Variants in ZNF596 observed in about 807,000 individuals in gnomAD.
ZNF596 encodes zinc finger protein 596.
ZNF596 carries 45 observed loss-of-function variants against 48.3 expected under a neutral mutation model. The observed-to-expected ratio is 0.93, with a 90% CI of 0.73 to 1.19. ZNF596 has a LOEUF of 1.19. ZNF596 is among the 50% of genes most tolerant of loss of function. The pLI is 0.00. For missense variants in ZNF596, 848 were observed against 599.7 expected (o/e 1.41, Z -4.32); for synonymous variants, 270 against 202.0 (o/e 1.34, Z -2.85).
chr8:243,908 G>A lies in ZNF596; in HGVS notation c.223+103G>A. 6 of 980,850 alleles carry A rather than the reference G, an allele frequency of 6.1e-6. No individual in the cohort carries two copies. The South Asian group carries it at 7.2e-5, about 12-fold the overall frequency. The allele number at this position is 980,850 out of a possible 1,614,324, so 60.8% of individuals were successfully genotyped here. ...AAGGAAGATTTCTTTTGTTTTTTTA[G>A]ACAGAATCTCACTCTGTCACCCAGG... On this transcript the variant is annotated intron_variant, in intron 4 of 5. Transcript: ENST00000398612.
chr8:246,391 A>G lies in ZNF596; in HGVS notation c.*29A>G. 1 of 1,541,056 alleles carries G rather than the reference A, an allele frequency of 6.5e-7. No individual in the cohort carries two copies. Among genetic ancestry groups the G allele is most frequent in the Non-Finnish European group, 8.7e-7 (1 of 1,151,252 alleles). ...TCATCAGCTGTAGCGTTAACACTAA[A>G]TACACCAAGGACAAACATACTACAG... On this transcript the variant is annotated 3_prime_UTR_variant, in exon 6 of 6. Transcript: ENST00000398612.
intron 1 of ZNF596, among the ~76,000 whole-genome samples, chr8:235,689 T>C (rs1307141900): frequency 6.6e-6 from 1 of 152,156 alleles, no homozygotes; most frequent in African/African-American, 2.4e-5. Context: ...TTCGGTGTCT[T>C]ATTATGTTTC....
rs1246530944 is a variant in ZNF596, at chr8:246,603, CT to C, written c.*243del. ...ATAGATCAAAGGAATGTGGAGGAGT[CT>C]TCATCCACAGCTCTGTTAAATAAAT... is the stretch of plus-strand genomic sequence containing the variant. On this transcript the variant is annotated 3_prime_UTR_variant, in exon 6 of 6. Transcript: ENST00000398612. 3 of 402,036 alleles carry C rather than the reference CT, an allele frequency of 7.5e-6. No individual in the cohort carries two copies. Among genetic ancestry groups the C allele is most frequent in the African/African-American group, 2.1e-5 (1 of 48,410 alleles). 24.9% of individuals were successfully genotyped at this position (402,036 alleles called of 1,614,324 possible).
chr8:233,732 T>A (rs1281802100), intron 1 of ZNF596: 1 of 152,356 alleles, frequency 6.6e-6, no homozygotes, highest in Middle Eastern at 3.4e-3. Context: ...GTTCCAATAA[T>A]TACATCTTTT....
In ZNF596 at chr8:246,467, CT is replaced by C; in HGVS notation, c.*108del. On this transcript the variant is annotated 3_prime_UTR_variant, in exon 6 of 6. Transcript: ENST00000398612. Reference sequence around the variant, plus strand: ...GAAAAGCCTTTATTTATATTTACCACTTTGCTCAACCTAAATGAATTCAAGG... The same window carrying C: ...GAAAAGCCTTTATTTATATTTACCACTTGCTCAACCTAAATGAATTCAAGG... 2 of 1,410,260 alleles carry C rather than the reference CT, an allele frequency of 1.4e-6. No individual in the cohort carries two copies. The highest frequency in any genetic ancestry group is 9.5e-7 in the Non-Finnish European group (1 of 1,055,760). The allele number at this position is 1,410,260 out of a possible 1,614,324, so 87.4% of individuals were successfully genotyped here.
At position 245,710 on chromosome 8, in the gene ZNF596, T is replaced by G; in HGVS notation, c.863T>G (p.Phe288Cys). ...ATATGCCATCTATGTGGGAAAGCCT[T>G]CACTCATTGCTCTGACCTTAGAAAA... The part of the protein sequence containing the change: ...AQICHLCGKA[F>C]THCSDLRKHE... Residue 288 changes from phenylalanine (F) to cysteine (C), a missense_variant, in exon 6 of 6, where the codon TTC becomes TGC. Physicochemically the swap from Phe to Cys is radical, Grantham distance 205 (BLOSUM62 -2). Coordinates refer to ENST00000398612, the MANE Select transcript of ZNF596 (RefSeq NM_001042416.3). The G allele has an allele frequency of 6.2e-7, 1 of 1,614,170 alleles. No individual in the cohort carries two copies. The highest frequency in any genetic ancestry group is 8.5e-7 in the Non-Finnish European group (1 of 1,180,028).
At chr8:232,982 G>T (rs949363864) in intron 1 of ZNF596, 2 of 468,718 alleles carry the variant, frequency 4.3e-6, no homozygotes, top group South Asian at 3.1e-5. Context: ...TTACCTTCCC[G>T]GTGTCCCACT....
chr8:235,457 A>G (rs1463121502), intron 1 of ZNF596, among the ~76,000 whole-genome samples: 1 of 152,162 alleles, frequency 6.6e-6, no homozygotes, highest in Non-Finnish European at 1.5e-5. Flanking sequence ...TACTTTAACC[A>G]GAACTTGATA....
chr8:233,379 A>G (rs1472808721), intron 1 of ZNF596: 8 of 325,352 alleles, frequency 2.5e-5, no homozygotes, highest in Non-Finnish European at 4.4e-5. Flanking sequence ...GGTTCAGCTT[A>G]TGAGGCCTCA....
chr8:236,034 C>T (rs556886880), intron 1 of ZNF596, among the ~76,000 whole-genome samples: 50 of 152,292 alleles, frequency 3.3e-4, no homozygotes, highest in African/African-American at 1.1e-3. Flanking sequence ...CCTGAGTCTA[C>T]AGTCACTGAG....
intron 4 of ZNF596, chr8:244,049 A>C (rs1281928228): frequency 7.3e-6 from 2 of 273,430 alleles, no homozygotes; most frequent in Admixed American, 1.0e-4. Context: ...CACCATGCCC[A>C]GCTAATTTTT....
chr8:241,586 G>T (rs967123025), intron 2 of ZNF596, among the ~76,000 whole-genome samples: 8 of 152,166 alleles, frequency 5.3e-5, no homozygotes, highest in African/African-American at 1.9e-4. Context: ...TTTTGGTTGT[G>T]CATTAAGTGA....
Position 242,967 on chromosome 8 carries a change from G to A in ZNF596, c.93G>A (p.Leu31=). ...WALLDTSQRK[L]FQDVMLENIS... The stretch of plus-strand genomic sequence containing the variant: ...TGCTGGACACATCCCAGAGAAAGCT[G>A]TTTCAAGATGTGATGTTGGAGAACA... Residue 31 remains leucine, a synonymous_variant, in exon 3 of 6, where the codon CTG becomes CTA. Transcript: ENST00000398612. 2 of 1,612,224 alleles carry A rather than the reference G, an allele frequency of 1.2e-6. No individual in the cohort carries two copies. Among genetic ancestry groups the A allele is most frequent in the Non-Finnish European group, 1.7e-6 (2 of 1,178,620 alleles).
intron 1 of ZNF596, among the ~76,000 whole-genome samples, chr8:236,146 C>G (rs911299895): frequency 6.6e-6 from 1 of 152,048 alleles, no homozygotes; most frequent in African/African-American, 2.4e-5. Context: ...TTACATGGGT[C>G]TACAAATTTA....
chr8:240,523 C>A (rs1468878235), intron 1 of ZNF596: 1 of 199,944 alleles, frequency 5.0e-6, no homozygotes, highest in Non-Finnish European at 1.0e-5. Flanking sequence ...CTCCATGATT[C>A]AGGGATTCTT....
chr8:233,039 T>A (rs1584896441), intron 1 of ZNF596: 2 of 467,706 alleles, frequency 4.3e-6, no homozygotes, highest in Non-Finnish European at 8.8e-6. Context: ...TGCCTCGCTG[T>A]GGATGTCGAG....
intron 1 of ZNF596, among the ~76,000 whole-genome samples, chr8:235,702 C>T (rs947483724): frequency 6.6e-6 from 1 of 152,120 alleles, no homozygotes; most frequent in Middle Eastern, 3.2e-3. Context: ...TATGTTTCTG[C>T]AGTGAAACCA....
chr8:236,403 C>T (rs1160313339), intron 1 of ZNF596, among the ~76,000 whole-genome samples: 1 of 152,098 alleles, frequency 6.6e-6, no homozygotes, highest in Admixed American at 6.6e-5. Context: ...TTTGTAGTCC[C>T]TCTCCTTTTC....
chr8:238,383 A>G (rs1370989884), intron 1 of ZNF596, among the ~76,000 whole-genome samples: 1 of 152,130 alleles, frequency 6.6e-6, no homozygotes, highest in South Asian at 2.1e-4. Flanking sequence ...AAGGAAAAAT[A>G]CAGGGCATCG....
Sources: allele counts gnomAD v4.1 joint callset (sites outside exome capture counted in the v4.1 genomes callset), GRCh38; gene constraint gnomAD v4.1.1; transcripts MANE v1.5; gene names NCBI Gene and HGNC (gene_info 2026-07-23, HGNC 2026-07-21).